SAMD5: variants seen among roughly 807,000 people sequenced by gnomAD.
The protein encoded by SAMD5 is sterile alpha motif domain-containing protein 5.
A neutral mutation model predicts 11.3 loss-of-function variants in SAMD5; 13 were observed. That is an observed-to-expected ratio of 1.15 (90% CI 0.75 to 1.83). SAMD5 has a LOEUF of 1.83. Among genes scored for constraint, SAMD5 ranks in the 40% most tolerant of loss-of-function variants. SAMD5 has a pLI of 0.00. For missense variants in SAMD5, 255 were observed against 239.1 expected, an observed-to-expected ratio of 1.07 and a Z score of -0.44; for synonymous variants, 129 against 111.3, an observed-to-expected ratio of 1.16 and a Z score of -1.00.
intron 1 of SAMD5, among the ~76,000 whole-genome samples, chr6:147,561,547 G>C (rs528945314): frequency 8.0e-4 from 122 of 152,134 alleles, no homozygotes; most frequent in African/African-American, 2.9e-3. Context: ...AGTCAACCTA[G>C]TATGATAACC....
At position 147,711,088 on chromosome 6, in the gene SAMD5, G is replaced by A. The variant is rs1429425008; in HGVS notation, c.163-26229G>A. On this transcript the variant is annotated intron_variant, in intron 1 of 1. Coordinates refer to the SAMD5 transcript ENST00000566741. This position sits in a 1 kb window ranked among gnomAD's most constrained non-coding sequence, Gnocchi z 4.1. Reference sequence around the variant, plus strand: ...AGGAAGGAAGGAAGGGAAGGAAGGGGGCAATGGAAAGTATCAGAAGTGGGA... The same window carrying A: ...AGGAAGGAAGGAAGGGAAGGAAGGGAGCAATGGAAAGTATCAGAAGTGGGA... Among the ~76,000 whole-genome samples the A allele has an allele frequency of 6.6e-6, 1 of 150,498 alleles. No homozygotes were observed. Among genetic ancestry groups the A allele is most frequent in the East Asian group, 2.0e-4 (1 of 5,098 alleles).
At chr6:147,806,142 G>A in the SAMD5 span, among the ~76,000 whole-genome samples, 1 of 152,038 alleles carries the variant, frequency 6.6e-6, no homozygotes, top group Non-Finnish European at 1.5e-5. Context: ...TACAGAAATG[G>A]GGCTGACACA....
At chr6:147,926,959 G>A in the SAMD5 span, among the ~76,000 whole-genome samples, 8 of 152,036 alleles carry the variant, frequency 5.3e-5, no homozygotes, top group African/African-American at 1.2e-4. Flanking sequence ...TGTCAGCTTT[G>A]TCGAAGATCA....
downstream of SAMD5, among the ~76,000 whole-genome samples, chr6:147,572,757 A>G (rs1282847727): frequency 6.6e-6 from 1 of 152,246 alleles, no homozygotes; most frequent in Admixed American, 6.5e-5. Context: ...ACATGTTAGT[A>G]TATGGTATAC....
At chr6:147,690,437 A>G (rs1255194710) in intron 1 of SAMD5, among the ~76,000 whole-genome samples, 1 of 152,188 alleles carries the variant, frequency 6.6e-6, no homozygotes, top group African/African-American at 2.4e-5. Context: ...AGGCAGGCAG[A>G]TCACTTTAGG....
chr6:147,703,395 A>T (rs925824275), intron 1 of SAMD5, among the ~76,000 whole-genome samples: 2 of 152,082 alleles, frequency 1.3e-5, no homozygotes, highest in Admixed American at 1.3e-4. Flanking sequence ...TTGAATAGTT[A>T]ATCTTAGACT....
intron 1 of SAMD5, among the ~76,000 whole-genome samples, chr6:147,674,315 G>A (rs1790834275): frequency 6.6e-6 from 1 of 152,192 alleles, no homozygotes; most frequent in African/African-American, 2.4e-5. Flanking sequence ...CCACTGGTAT[G>A]TGCAGCCCGT....
chr6:147,627,969 T>C (rs1020241791), intron 1 of SAMD5, among the ~76,000 whole-genome samples: 3 of 152,256 alleles, frequency 2.0e-5, no homozygotes, highest in African/African-American at 7.2e-5. Flanking sequence ...GGCTGTTGTA[T>C]TCCCCTGCCC....
At chr6:147,938,346 C>T in the SAMD5 span, among the ~76,000 whole-genome samples, 591 of 152,282 alleles carry the variant, frequency 3.9e-3, 4 homozygotes, top group African/African-American at 0.013. Context: ...AAAGATAACA[C>T]TCCTCATTTA....
In SAMD5 at chr6:147,616,392, C is replaced by G. The variant is rs1789874187; in HGVS notation, c.162+107005C>G. On this transcript the variant is annotated intron_variant, in intron 1 of 1. Coordinates refer to the SAMD5 transcript ENST00000566741. ...GCCACGGTCTGGCATATAATAGGTGCTCAATAAATGTTCCCCTCCCTCCCT... is the reference window on the plus strand; with the variant it reads ...GCCACGGTCTGGCATATAATAGGTGGTCAATAAATGTTCCCCTCCCTCCCT... Among the ~76,000 whole-genome samples, 3 of 150,946 alleles carry G rather than the reference C, an allele frequency of 2.0e-5. No homozygotes were observed. In the Admixed American group the frequency reaches 2.0e-4, roughly 10 times the overall value.
At chr6:147,795,231 A>G in the SAMD5 span, among the ~76,000 whole-genome samples, 6 of 113,122 alleles carry the variant, frequency 5.3e-5, no homozygotes, top group Non-Finnish European at 1.1e-4. Context: ...CCACCCCACA[A>G]CAGTCCCCAG....
chr6:147,530,775 CA>C (rs1225150280), intron 1 of SAMD5, among the ~76,000 whole-genome samples: 2 of 152,154 alleles, frequency 1.3e-5, no homozygotes, highest in Non-Finnish European at 2.9e-5. Context: ...CCGTGGTTCC[CA>C]AACACAGAGA....
At chr6:147,918,730 C>G in the SAMD5 span, among the ~76,000 whole-genome samples, 1 of 138,546 alleles carries the variant, frequency 7.2e-6, no homozygotes, top group African/African-American at 2.6e-5. Flanking sequence ...CAGAGTCTCG[C>G]TCTGTTGCCC....
At chr6:147,628,584 T>C (rs1225817969) in intron 1 of SAMD5, among the ~76,000 whole-genome samples, 1 of 152,222 alleles carries the variant, frequency 6.6e-6, no homozygotes, top group Non-Finnish European at 1.5e-5. Flanking sequence ...GTTATCTTGA[T>C]ATTCTCATAG....
the SAMD5 span, among the ~76,000 whole-genome samples, chr6:147,814,647 GT>G: frequency 6.6e-6 from 1 of 152,162 alleles, no homozygotes; most frequent in Non-Finnish European, 1.5e-5. Flanking sequence ...GAAGCACACC[GT>G]GTAGTTTAGA....
the SAMD5 span, among the ~76,000 whole-genome samples, chr6:147,809,728 T>C: frequency 6.6e-6 from 1 of 152,220 alleles, no homozygotes; most frequent in Non-Finnish European, 1.5e-5. Context: ...ACACCCTAAG[T>C]CTGTATCAGA....
chr6:147,783,653 C>G, the SAMD5 span, among the ~76,000 whole-genome samples: 2 of 152,108 alleles, frequency 1.3e-5, no homozygotes, highest in African/African-American at 4.8e-5. Flanking sequence ...CCTTTCTGGG[C>G]CTCCCAAAGT....
chr6:147,687,483 C>T (rs1260314529), intron 1 of SAMD5, among the ~76,000 whole-genome samples: 3 of 151,804 alleles, frequency 2.0e-5, no homozygotes, highest in Admixed American at 2.0e-4. Context: ...TGCAATTTTG[C>T]CCAGGCTCAA....
At chr6:147,750,114 T>C in the SAMD5 span, among the ~76,000 whole-genome samples, 1 of 152,192 alleles carries the variant, frequency 6.6e-6, no homozygotes, top group African/African-American at 2.4e-5. Flanking sequence ...AATTATGTGT[T>C]TTATAGAACT....
Sources: allele counts gnomAD v4.1 joint callset (sites outside exome capture counted in the v4.1 genomes callset), GRCh38; gene constraint gnomAD v4.1.1; non-coding constraint Gnocchi (gnomAD v3.1); transcripts MANE v1.5; gene names NCBI Gene and HGNC (gene_info 2026-07-23, HGNC 2026-07-21).